The following NCAPD2 variants were observed in gnomAD, a reference collection of about 807,000 sequenced individuals.
NCAPD2 encodes the protein non-SMC condensin I complex subunit D2, also known as condensin complex subunit 1.
Under a neutral mutation model 164.5 loss-of-function variants are expected in NCAPD2, and 100 were observed. The ratio of observed to expected loss-of-function variants is 0.61; its 90% CI spans 0.52 to 0.72. NCAPD2 has a LOEUF of 0.72. Among genes scored for constraint, NCAPD2 ranks in the 30% least tolerant of loss-of-function variants. NCAPD2 has a pLI of 0.00. For synonymous variants in NCAPD2, 585 were observed against 642.6 expected (o/e 0.91, Z 1.36); for missense variants, 1,560 against 1,749.2 (o/e 0.89, Z 1.93).
At chr12:6,506,508 T>G (rs1946100236) in intron 2 of NCAPD2, among the ~76,000 whole-genome samples, 1 of 151,066 alleles carries the variant, frequency 6.6e-6, no homozygotes, top group Non-Finnish European at 1.5e-5. Context: ...GAGAGTGGCG[T>G]GAACCCAGGA....
chr12:6,529,521 T>G lies in NCAPD2; in HGVS notation c.3581T>G (p.Leu1194Arg), dbSNP rs1946351709. 1 of 1,614,034 alleles carries G rather than the reference T, an allele frequency of 6.2e-7. No homozygotes were observed. The highest frequency in any genetic ancestry group is 8.5e-7 in the Non-Finnish European group (1 of 1,179,954). The change falls in exon 28 of 32, where the codon CTC (leucine) becomes CGC (arginine). Residue 1194 changes from leucine to arginine, a missense_variant. Physicochemically the swap from Leu to Arg is moderately radical, Grantham distance 102. Transcript: ENST00000315579. ...EPFHTIMKQLLSYITKDKQTE... is the reference protein window; with the variant it reads ...EPFHTIMKQLRSYITKDKQTE... ...ATCTCCCCTTCCTGCAGACAGCTCC[T>G]CTCCTACATCACCAAGGACAAGCAG... is the stretch of plus-strand genomic sequence containing the variant.
In NCAPD2 at chr12:6,528,211, C is replaced by T; in HGVS notation, c.3182C>T (p.Thr1061Ile). ...GACTCCCAGCTTCGTCTTCTGTTCACCATGCTGGAAAAGTCTCCACTTCCC... is the reference window on the plus strand; with the variant it reads ...GACTCCCAGCTTCGTCTTCTGTTCATCATGCTGGAAAAGTCTCCACTTCCC... ...FCDSQLRLLFTMLEKSPLPIV... is the reference protein window; with the variant it reads ...FCDSQLRLLFIMLEKSPLPIV... Residue 1061 changes from threonine (T) to isoleucine (I), a missense_variant, in exon 25 of 32, where the codon ACC (threonine) becomes ATC (isoleucine). Transcript: ENST00000315579. The surrounding 1 kb of genome is among the most constrained non-coding windows in gnomAD (Gnocchi z 5.1). 1 of 1,614,190 alleles carries T rather than the reference C, an allele frequency of 6.2e-7. No individual in the cohort carries two copies. The highest frequency in any genetic ancestry group is 8.5e-7 in the Non-Finnish European group (1 of 1,180,044).
intron 17 of NCAPD2, among the ~76,000 whole-genome samples, chr12:6,524,848 G>A (rs1244186035): frequency 6.6e-6 from 1 of 152,144 alleles, no homozygotes; most frequent in African/African-American, 2.4e-5. Flanking sequence ...GCGCTGGGAA[G>A]CGTGCTCCTG....
At chr12:6,519,843 G>A (rs1266593867) in intron 13 of NCAPD2, among the ~76,000 whole-genome samples, 1 of 151,658 alleles carries the variant, frequency 6.6e-6, no homozygotes, top group Non-Finnish European at 1.5e-5. Context: ...ACTCTACCCT[G>A]GGTGACAGAG....
chr12:6,504,170 C>CAT (rs1360372868), intron 2 of NCAPD2, among the ~76,000 whole-genome samples: 4 of 121,104 alleles, frequency 3.3e-5, no homozygotes, highest in Admixed American at 8.6e-5. Context: ...TCAGTTTTGA[C>CAT]ATATATATAT....
At chr12:6,529,703 A>G (rs1946353478) in intron 28 of NCAPD2, 72 bp from the exon 29 acceptor site, 1 of 1,601,410 alleles carries the variant, frequency 6.2e-7, no homozygotes, top group Admixed American at 1.7e-5. Flanking sequence ...GGGACTGGGG[A>G]GGCTGATGGG....
At chr12:6,525,548 A>T (rs748549407) in intron 17 of NCAPD2, 35 bp from the exon 18 acceptor site, 1 of 1,578,610 alleles carries the variant, frequency 6.3e-7, no homozygotes, top group Non-Finnish European at 8.6e-7. Context: ...GGAATTGTTC[A>T]TTTTTGGCTT....
rs1244183755 is a variant in NCAPD2 at position 6,495,179 on chromosome 12, T to G, written c.81T>G (p.Val27=). 1.2e-6 allele frequency: 2 copies of G among 1,614,146 alleles called. No homozygotes were observed. The highest frequency in any genetic ancestry group is 1.7e-6 in the Non-Finnish European group (2 of 1,180,016). ...AAAGTGGAGGGGTGAATCAGTATGT[T>G]GTGCAAGAGGTACTGTCCATCAAAC... The part of the protein sequence containing the change: ...LLKSGGVNQY[V]VQEVLSIKHL... Residue 27 remains valine (V), a synonymous_variant, in exon 2 of 32, where the codon GTT becomes GTG. Transcript: ENST00000315579.
At chr12:6,514,164 C>G in intron 6 of NCAPD2, 101 bp from the exon 7 acceptor site, 1 of 1,500,612 alleles carries the variant, frequency 6.7e-7, no homozygotes, top group South Asian at 1.2e-5. Flanking sequence ...TAAAGAAAAC[C>G]CTGACTTTGG....
At chr12:6,526,399 G>A in intron 20 of NCAPD2, 28 bp downstream of exon 20, 3 of 1,614,166 alleles carry the variant, frequency 1.9e-6, no homozygotes, top group East Asian at 4.5e-5. Context: ...GCCTTGGGCA[G>A]AATTGGGCCC....
chr12:6,515,583 C>T (rs1461189353), intron 9 of NCAPD2, among the ~76,000 whole-genome samples: 6 of 152,188 alleles, frequency 3.9e-5, no homozygotes, highest in Admixed American at 3.9e-4. Flanking sequence ...CAAATCAACC[C>T]ATGTCATCTC....
rs1158501918 is a variant in NCAPD2 at position 6,512,144 on chromosome 12, C to T, written c.587+892C>T. On this transcript the variant is annotated intron_variant, in intron 6 of 31. Coordinates refer to ENST00000315579, the MANE Select transcript of NCAPD2 (RefSeq NM_014865.4). ...AAAATTAGCCGGGCATGGTGGCGGG[C>T]GCCTCTAGTCCCAGCTACTCAGGAG... 5.3e-5 allele frequency among the ~76,000 whole-genome samples: 8 copies of T among 150,730 alleles called. No individual in the cohort carries two copies. The East Asian group carries it at 9.8e-4, about 18-fold the overall frequency.
At position 6,514,933 on chromosome 12, in the gene NCAPD2, C is replaced by T. The variant is rs376341222; in HGVS notation, c.987+13C>T. ...CCTGGATGGAGAAGTAGGTGGTCCA[C>T]TAGGGGTCACTGAGCTTTTTCTGGG... On this transcript the variant is annotated intron_variant, in intron 9 of 31. Transcript: ENST00000315579. 1 of 1,613,882 alleles carries T rather than the reference C, an allele frequency of 6.2e-7. No homozygotes were observed. The highest frequency in any genetic ancestry group is 8.5e-7 in the Non-Finnish European group (1 of 1,179,870).
Position 6,530,727 on chromosome 12 carries a change from T to C in NCAPD2, c.3874T>C (p.Cys1292Arg), listed in dbSNP as rs1489870291. 1 of 1,614,172 alleles carries C rather than the reference T, an allele frequency of 6.2e-7. No individual in the cohort carries two copies. Among genetic ancestry groups the C allele is most frequent in the African/African-American group, 1.3e-5 (1 of 75,026 alleles). The change falls in exon 30 of 32, where the codon TGT becomes CGT. Residue 1292 changes from cysteine to arginine, a missense_variant. Coordinates refer to ENST00000315579, the MANE Select transcript of NCAPD2 (RefSeq NM_014865.4). ...TGAATTTGAGCAGAAGCTTCGGGCCTGTCATACCAGAGGTTTGGATGGAAT... is the reference window on the plus strand; with the variant it reads ...TGAATTTGAGCAGAAGCTTCGGGCCCGTCATACCAGAGGTTTGGATGGAAT... Reference protein sequence around the residue: ...IDEFEQKLRACHTRGLDGIKE... With the variant: ...IDEFEQKLRARHTRGLDGIKE...
chr12:6,520,870 G>C, intron 13 of NCAPD2, 116 bp from the exon 14 acceptor site: 1 of 1,397,364 alleles, frequency 7.2e-7, no homozygotes, highest in Non-Finnish European at 9.7e-7. Context: ...AGCATGTTAA[G>C]TGCTCCTTTT....
chr12:6,521,654 A>C, intron 14 of NCAPD2, 144 bp from the exon 15 acceptor site: 1 of 1,044,968 alleles, frequency 9.6e-7, no homozygotes, highest in East Asian at 2.5e-5. Flanking sequence ...TTGCCACTGC[A>C]CAGCCTAGGC....
chr12:6,516,615 ACTAC>A (rs1236247073), intron 9 of NCAPD2, among the ~76,000 whole-genome samples: 1 of 152,200 alleles, frequency 6.6e-6, no homozygotes, highest in Non-Finnish European at 1.5e-5. Flanking sequence ...TTATTCAGCT[ACTAC>A]CATGCTTTCC....
chr12:6,522,544 C>A (rs1038101505), intron 15 of NCAPD2, among the ~76,000 whole-genome samples: 6 of 150,994 alleles, frequency 4.0e-5, no homozygotes, highest in Non-Finnish European at 5.9e-5. Context: ...GTGGTCATGC[C>A]ACTGCACTCT....
At position 6,517,459 on chromosome 12, in the gene NCAPD2, T is replaced by C; in HGVS notation, c.1280T>C (p.Leu427Pro). The C allele has an allele frequency of 6.2e-7, 1 of 1,614,270 alleles. No homozygotes were observed. Among genetic ancestry groups the C allele is most frequent in the Non-Finnish European group, 8.5e-7 (1 of 1,180,050 alleles). The change falls in exon 11 of 32, where the codon CTG becomes CCG. Residue 427 changes from leucine (L) to proline (P), a missense_variant. Physicochemically the swap from Leu to Pro is moderately conservative, Grantham distance 98. Transcript: ENST00000315579. ...SVLVCKNAIQ[L>P]LASFLANNPF... ...CTAGTATGTAAAAATGCCATCCAGC[T>C]GCTGGCCAGTTTTCTAGCCAATAAT... is the stretch of plus-strand genomic sequence containing the variant.
Sources: gnomAD v4.1 joint callset for allele counts (sites outside exome capture counted in the v4.1 genomes callset) on GRCh38, gnomAD v4.1.1 for gene constraint, Gnocchi (gnomAD v3.1) non-coding constraint, MANE v1.5 for transcripts, NCBI Gene and HGNC (gene_info 2026-07-23, HGNC 2026-07-21) for gene names.